The following MYO5B variants were observed in gnomAD, a reference collection of about 807,000 sequenced individuals.
MYO5B encodes the protein myosin VB.
Under a neutral mutation model 229.3 loss-of-function variants are expected in MYO5B, and 143 were observed. That is an observed-to-expected ratio of 0.62 (90% confidence interval 0.54 to 0.72). MYO5B has a LOEUF of 0.72. MYO5B is among the 30% of genes least tolerant of loss of function. MYO5B has a pLI of 0.00. For missense variants in MYO5B, 2,321 were observed against 2,331.0 expected (o/e 1.00, Z 0.09); for synonymous variants, 918 against 885.2 (o/e 1.04, Z -0.66).
Position 50,094,663 on chromosome 18 carries a change from T to C in MYO5B, c.28-39285A>G, listed in dbSNP as rs77964316. Reference sequence around the variant, plus strand: ...AAACCTATATGGAGACCAGTGTTGCTTTTATCAAAGACAACAGAGATTTGG... The same window carrying C: ...AAACCTATATGGAGACCAGTGTTGCCTTTATCAAAGACAACAGAGATTTGG... On this transcript the variant is annotated intron_variant, in intron 1 of 39. Transcript: ENST00000285039. Among the ~76,000 whole-genome samples the C allele has an allele frequency of 2.1e-3, 325 of 152,310 alleles. 3 individuals carry two copies. The highest frequency in any genetic ancestry group is 7.6e-3 in the African/African-American group (314 of 41,584).
chr18:49,930,568 T>C (rs1200445915), intron 16 of MYO5B, among the ~76,000 whole-genome samples: 3 of 152,086 alleles, frequency 2.0e-5, no homozygotes, highest in African/African-American at 4.8e-5. Context: ...AGAGAGCAAT[T>C]GTCTGAGGTT....
Position 49,984,736 on chromosome 18 carries a change from G to T in MYO5B, c.928C>A (p.Gln310Lys). Reference protein sequence around the residue: ...DDAEDFEKTRQAFTLLGVKES... With the variant: ...DDAEDFEKTRKAFTLLGVKES... Reference sequence around the variant, plus strand: ...TCCTTACCGAGGAGTGTGAAGGCTTGTCGAGTCTTCTCAAAGTCCTCAGCA... The same window carrying T: ...TCCTTACCGAGGAGTGTGAAGGCTTTTCGAGTCTTCTCAAAGTCCTCAGCA... The change falls in exon 8 of 40, where the codon CAA (glutamine) becomes AAA (lysine). Residue 310 changes from glutamine (Q) to lysine (K), a missense_variant. Gln to Lys is a moderately conservative substitution (Grantham distance 53, BLOSUM62 1). Transcript: ENST00000285039. 6.2e-7 allele frequency: 1 copy of T among 1,612,130 alleles called. No individual in the cohort carries two copies. Among genetic ancestry groups the T allele is most frequent in the Non-Finnish European group, 8.5e-7 (1 of 1,178,160 alleles).
intron 1 of MYO5B, among the ~76,000 whole-genome samples, chr18:50,192,045 T>C (rs2033235155): frequency 6.7e-6 from 1 of 149,706 alleles, no homozygotes; most frequent in Non-Finnish European, 1.5e-5. Flanking sequence ...ATGAAGCCTG[T>C]ACCAGCAGAC....
chr18:50,043,292 TA>T (rs1268767526), intron 2 of MYO5B, among the ~76,000 whole-genome samples: 5 of 82,784 alleles, frequency 6.0e-5, no homozygotes, highest in African/African-American at 9.6e-5. Context: ...ATTTATATAT[TA>T]TATATAATAT....
intron 13 of MYO5B, among the ~76,000 whole-genome samples, chr18:49,953,968 T>C: frequency 9.3e-6 from 1 of 107,440 alleles, no homozygotes; most frequent in African/African-American, 3.9e-5. Flanking sequence ...TGTGTGTGTA[T>C]GTGTGTGTGT....
intron 32 of MYO5B, among the ~76,000 whole-genome samples, chr18:49,847,991 T>C (rs551113110): frequency 6.6e-6 from 1 of 152,346 alleles, no homozygotes; most frequent in East Asian, 1.9e-4. Context: ...TATAAAGGCC[T>C]GGTCAACCCT....
At chr18:49,868,441 C>G (rs1274146581) in intron 27 of MYO5B, among the ~76,000 whole-genome samples, 1 of 152,234 alleles carries the variant, frequency 6.6e-6, no homozygotes, top group Non-Finnish European at 1.5e-5. Flanking sequence ...AAGCTGGACT[C>G]TTAGTTCTCT....
intron 4 of MYO5B, among the ~76,000 whole-genome samples, chr18:50,017,223 T>C (rs910734436): frequency 1.4e-4 from 21 of 152,194 alleles, no homozygotes; most frequent in African/African-American, 5.1e-4. Flanking sequence ...GCTCAAGTGA[T>C]TCTCCCGCCT....
intron 1 of MYO5B, among the ~76,000 whole-genome samples, chr18:50,099,608 T>TAA (rs2031616429): frequency 6.6e-6 from 1 of 152,218 alleles, no homozygotes; most frequent in Admixed American, 6.5e-5. Context: ...GATCTTACTC[T>TAA]AAGTGAGACA....
At chr18:50,042,447 T>C (rs1298466066) in intron 2 of MYO5B, among the ~76,000 whole-genome samples, 1 of 152,240 alleles carries the variant, frequency 6.6e-6, no homozygotes, top group Non-Finnish European at 1.5e-5. Context: ...CCTGTTTTTT[T>C]CTTTATATTA....
chr18:50,002,300 T>G (rs1380178403), intron 4 of MYO5B, among the ~76,000 whole-genome samples: 1 of 152,120 alleles, frequency 6.6e-6, no homozygotes, highest in East Asian at 1.9e-4. Context: ...GATAAAACTA[T>G]CAATTTCAAT....
chr18:50,052,824 T>C (rs1322022816), intron 2 of MYO5B, among the ~76,000 whole-genome samples: 2 of 152,156 alleles, frequency 1.3e-5, no homozygotes, highest in African/African-American at 4.8e-5. Flanking sequence ...GGAGAGAAGC[T>C]TGACTGTCTT....
intron 17 of MYO5B, among the ~76,000 whole-genome samples, chr18:49,913,146 C>T (rs2024976240): frequency 6.6e-6 from 1 of 152,144 alleles, no homozygotes; most frequent in Non-Finnish European, 1.5e-5. Flanking sequence ...TTACAACACC[C>T]CTACCTATGT....
intron 17 of MYO5B, among the ~76,000 whole-genome samples, chr18:49,913,989 T>C (rs1418503250): frequency 6.6e-6 from 1 of 151,344 alleles, no homozygotes; most frequent in Non-Finnish European, 1.5e-5. Context: ...CAGCTCCCCA[T>C]CCATCCCGCT....
intron 25 of MYO5B, among the ~76,000 whole-genome samples, chr18:49,877,144 C>T (rs72642502): frequency 0.24 from 35,905 of 151,830 alleles, 4,391 homozygotes; most frequent in East Asian, 0.42. Context: ...CACACACGCG[C>T]GCATGTGCCT....
At chr18:50,063,571 G>C (rs2030743264) in intron 1 of MYO5B, among the ~76,000 whole-genome samples, 1 of 152,182 alleles carries the variant, frequency 6.6e-6, no homozygotes, top group Non-Finnish European at 1.5e-5. Flanking sequence ...AACCTCGGGG[G>C]AGAGGAGAAA....
chr18:49,941,676 C>T (rs1395574227), intron 14 of MYO5B, among the ~76,000 whole-genome samples: 1 of 151,548 alleles, frequency 6.6e-6, no homozygotes, highest in Non-Finnish European at 1.5e-5. Flanking sequence ...TTTCCTCCCT[C>T]TCGATACAAA....
At chr18:49,837,188 G>C (rs532606360) in intron 37 of MYO5B, among the ~76,000 whole-genome samples, 1 of 152,300 alleles carries the variant, frequency 6.6e-6, no homozygotes, top group South Asian at 2.1e-4. Context: ...ATTCACAAAT[G>C]TATTTATACT....
At chr18:50,146,689 C>A (rs1388550273) in intron 1 of MYO5B, among the ~76,000 whole-genome samples, 3 of 152,236 alleles carry the variant, frequency 2.0e-5, no homozygotes, top group African/African-American at 7.2e-5. Flanking sequence ...TCTGAATTAA[C>A]CCAGTGCTAA....
Sources: gnomAD v4.1 joint callset for allele counts (sites outside exome capture counted in the v4.1 genomes callset) on GRCh38, gnomAD v4.1.1 for gene constraint, MANE v1.5 for transcripts, NCBI Gene and HGNC (gene_info 2026-07-23, HGNC 2026-07-21) for gene names.